The following HDAC9 variants were observed in gnomAD, a reference collection of about 807,000 sequenced individuals.
HDAC9 encodes histone deacetylase 9.
A neutral mutation model predicts 139.4 loss-of-function variants in HDAC9; 41 were observed. The observed-to-expected ratio is 0.29, with a 90% CI of 0.23 to 0.38. The LOEUF is 0.38. HDAC9 is among the 10% of genes least tolerant of loss of function. HDAC9 has a pLI of 1.00. For missense variants in HDAC9, 1,147 were observed against 1,297.0 expected, an observed-to-expected ratio of 0.88 and a Z score of 1.78; for synonymous variants, 517 against 476.2, an observed-to-expected ratio of 1.09 and a Z score of -1.12.
chr7:18,181,095 T>C (rs1789392036), intron 2 of HDAC9, among the ~76,000 whole-genome samples: 3 of 152,204 alleles, frequency 2.0e-5, no homozygotes, highest in Admixed American at 6.5e-5. Flanking sequence ...TTTAAGCATG[T>C]CTGGGAAGTC....
chr7:18,269,806 T>A (rs896342090), intron 2 of HDAC9, among the ~76,000 whole-genome samples: 5 of 152,104 alleles, frequency 3.3e-5, no homozygotes, highest in Admixed American at 3.3e-4. Context: ...CAGGATTGCC[T>A]CCTCCTAGTT....
chr7:18,977,137 A>G (rs978722081), intron 25 of HDAC9, among the ~76,000 whole-genome samples: 2 of 152,222 alleles, frequency 1.3e-5, no homozygotes, highest in Admixed American at 6.5e-5. Flanking sequence ...ATATTACTCT[A>G]TTGAAAGATA....
Position 18,594,020 on chromosome 7 carries a change from C to T in HDAC9, c.655C>T (p.Arg219Ter). The change falls in exon 6 of 26, where the codon CGA becomes TGA. Residue 219 changes from arginine (R) to a stop codon, truncating the protein, a stop_gained. Transcript: ENST00000686413. LOFTEE classifies it high-confidence loss of function. ...AGATGCAAAGGATGATTTCCCCCTTCGAAAAACTGGTAAGTTGGTTTAACA... is the reference window on the plus strand; with the variant it reads ...AGATGCAAAGGATGATTTCCCCCTTTGAAAAACTGGTAAGTTGGTTTAACA... ...AQDAKDDFPL[R>*]KTASEPNLKV... 6.2e-7 allele frequency: 1 copy of T among 1,612,220 alleles called. No homozygotes were observed. The highest frequency in any genetic ancestry group is 2.2e-5 in the East Asian group (1 of 44,848).
chr7:18,370,587 A>G (rs1784520449), intron 1 of HDAC9, among the ~76,000 whole-genome samples: 1 of 152,172 alleles, frequency 6.6e-6, no homozygotes, highest in Non-Finnish European at 1.5e-5. Context: ...TAGTCTGTAA[A>G]TCATAAGTGT....
intron 11 of HDAC9, among the ~76,000 whole-genome samples, chr7:18,650,470 A>C (rs529353716): frequency 6.6e-6 from 1 of 152,272 alleles, no homozygotes; most frequent in Admixed American, 6.5e-5. Context: ...AATATTTTGG[A>C]ATACAGTTTT....
At chr7:18,272,680 A>G (rs1796428795) in intron 2 of HDAC9, among the ~76,000 whole-genome samples, 1 of 152,152 alleles carries the variant, frequency 6.6e-6, no homozygotes, top group South Asian at 2.1e-4. Context: ...AAATCAATGG[A>G]GAAATACTAT....
In HDAC9 at chr7:18,727,652, G is replaced by A. The variant is rs1785661001; in HGVS notation, c.1804G>A (p.Gly602Arg). 1 of 1,591,124 alleles carries A rather than the reference G, an allele frequency of 6.3e-7. No homozygotes were observed. Among genetic ancestry groups the A allele is most frequent in the Non-Finnish European group, 8.5e-7 (1 of 1,171,986 alleles). ...QAPLAAVGMD[G>R]LEKHRLVSRT... ...TCCGCTGGCTGCGGTTGGCATGGATGGATTAGAGAAACACCGTCTCGTCTC... is the reference window on the plus strand; with the variant it reads ...TCCGCTGGCTGCGGTTGGCATGGATAGATTAGAGAAACACCGTCTCGTCTC... Residue 602 changes from glycine to arginine, a missense_variant, in exon 13 of 26, where the codon GGA becomes AGA. This residue lies in a region of HDAC9 where 256 missense variants were observed against 219.2 expected (regional missense o/e 1.17). Transcript: ENST00000686413.
At chr7:18,327,261 A>G (rs1490471170) in intron 1 of HDAC9, among the ~76,000 whole-genome samples, 3 of 151,888 alleles carry the variant, frequency 2.0e-5, no homozygotes, top group Non-Finnish European at 2.9e-5. Flanking sequence ...GCAGTTACCT[A>G]CTATAGATTA....
In HDAC9 at chr7:18,671,387, T is replaced by A. The variant is rs1277611201; in HGVS notation, c.1731+4911T>A. 2.0e-5 allele frequency among the ~76,000 whole-genome samples: 3 copies of A among 151,956 alleles called. No homozygotes were observed. The East Asian group carries it at 5.8e-4, about 30-fold the overall frequency. On this transcript the variant is annotated intron_variant, in intron 12 of 25. Transcript: ENST00000686413. ...CAGTCATCTACCTTTTTCAAGCCTT[T>A]TGAAGAGTCCGATTCAGAAATAATG...
intron 2 of HDAC9, among the ~76,000 whole-genome samples, chr7:18,511,887 G>A (rs2128188957): frequency 6.6e-6 from 1 of 152,154 alleles, no homozygotes; most frequent in Non-Finnish European, 1.5e-5. Context: ...ACTACTGTTG[G>A]ATTCGAGTGG....
intron 1 of HDAC9, among the ~76,000 whole-genome samples, chr7:18,314,687 C>T (rs911970453): frequency 7.9e-5 from 12 of 151,950 alleles, no homozygotes; most frequent in South Asian, 6.2e-4. Flanking sequence ...ATTCTAGCTC[C>T]GTGAAACAAA....
intron 2 of HDAC9, among the ~76,000 whole-genome samples, chr7:18,215,318 G>A (rs909129409): frequency 5.9e-5 from 9 of 152,058 alleles, no homozygotes; most frequent in Admixed American, 4.6e-4. Context: ...AGAAAGTCCC[G>A]GTCCTTTCTT....
rs151142448 is a variant in HDAC9, at chr7:18,902,280, C to T, written c.2803+27684C>T. 1.9e-3 allele frequency among the ~76,000 whole-genome samples: 295 copies of T among 152,302 alleles called. 1 individual carries two copies. The highest frequency in any genetic ancestry group is 6.8e-3 in the African/African-American group (281 of 41,576). ...CAAATCCTAGTGAAGGTTCTTCTCA[C>T]TCCTGGGGCTGTTTAGTAAAATATG... On this transcript the variant is annotated intron_variant, in intron 22 of 25. Coordinates refer to ENST00000686413, the MANE Select transcript of HDAC9 (RefSeq NM_178425.4).
At chr7:18,338,508 T>C (rs1411009287) in intron 1 of HDAC9, among the ~76,000 whole-genome samples, 1 of 151,654 alleles carries the variant, frequency 6.6e-6, no homozygotes, top group African/African-American at 2.4e-5. Flanking sequence ...ACACCTATTT[T>C]CATGTCATCA....
intron 2 of HDAC9, among the ~76,000 whole-genome samples, chr7:18,542,879 C>G (rs2128624541): frequency 6.6e-6 from 1 of 152,208 alleles, no homozygotes; most frequent in Middle Eastern, 3.4e-3. Flanking sequence ...ATATTAATTA[C>G]TGTTATTTAT....
At chr7:18,367,895 A>G (rs1182183743) in intron 1 of HDAC9, among the ~76,000 whole-genome samples, 1 of 152,062 alleles carries the variant, frequency 6.6e-6, no homozygotes, top group Non-Finnish European at 1.5e-5. Flanking sequence ...TCGTGTGATC[A>G]TTTGCACTTT....
chr7:18,433,578 A>G (rs1314729300), intron 1 of HDAC9, among the ~76,000 whole-genome samples: 1 of 152,180 alleles, frequency 6.6e-6, no homozygotes, highest in African/African-American at 2.4e-5. Context: ...GTTTCAGGAC[A>G]CAAAATCAAT....
chr7:18,432,941 ACT>A (rs928324238), intron 1 of HDAC9, among the ~76,000 whole-genome samples: 31 of 147,622 alleles, frequency 2.1e-4, no homozygotes, highest in African/African-American at 7.6e-4. Flanking sequence ...ACAGAATGAG[ACT>A]CTGTCTTAAA....
intron 12 of HDAC9, among the ~76,000 whole-genome samples, chr7:18,718,983 A>T (rs1784922101): frequency 6.6e-6 from 1 of 152,000 alleles, no homozygotes; most frequent in African/African-American, 2.4e-5. Context: ...TGAAGTTGTA[A>T]ATTGTTGGGG....
Sources: gnomAD v4.1 joint callset for allele counts (sites outside exome capture counted in the v4.1 genomes callset) on GRCh38, gnomAD v4.1.1 for gene constraint, gnomAD v4.1.1 regional missense constraint, MANE v1.5 for transcripts, NCBI Gene and HGNC (gene_info 2026-07-23, HGNC 2026-07-21) for gene names.